Variants in CUX1 observed in about 807,000 individuals in gnomAD.
CUX1 encodes the protein protein CASP.
In CUX1, 31 loss-of-function variants were observed where a neutral mutation model predicts 158.8. The ratio of observed to expected loss-of-function variants is 0.20; its 90% CI spans 0.15 to 0.26. The LOEUF (loss-of-function observed/expected upper bound fraction) is 0.26, where lower values mean the gene tolerates loss of function less well. Ranked by LOEUF, CUX1 falls within the 10% of genes least tolerant of loss-of-function variation. The pLI is 1.00. For missense variants in CUX1, 1,589 were observed against 2,014.6 expected (o/e 0.79, Z 4.04); for synonymous variants, 879 against 862.1 (o/e 1.02, Z -0.34).
intron 1 of CUX1, among the ~76,000 whole-genome samples, chr7:101,856,595 G>A (rs145966543): frequency 2.7e-3 from 404 of 152,272 alleles, no homozygotes; most frequent in African/African-American, 9.3e-3. Context: ...AGGCCCAGAG[G>A]GGAAGGCTTC....
At chr7:102,246,722 A>G (rs1800853200) in intron 23 of CUX1, among the ~76,000 whole-genome samples, 1 of 152,056 alleles carries the variant, frequency 6.6e-6, no homozygotes, top group African/African-American at 2.4e-5. Context: ...GGTACCTGCC[A>G]CCACGCCTGG....
chr7:101,942,696 GGCT>G (rs1355874462), intron 2 of CUX1, among the ~76,000 whole-genome samples: 1 of 152,152 alleles, frequency 6.6e-6, no homozygotes, highest in Admixed American at 6.5e-5. Flanking sequence ...ACCACTCCTG[GGCT>G]CAAGTGATCC....
intron 23 of CUX1, among the ~76,000 whole-genome samples, chr7:102,246,711 AG>A (rs1310094232): frequency 6.6e-6 from 1 of 152,080 alleles, no homozygotes; most frequent in Non-Finnish European, 1.5e-5. Flanking sequence ...CTGGGATTAC[AG>A]GTACCTGCCA....
chr7:101,816,589 C>T (rs893920167), upstream of CUX1, among the ~76,000 whole-genome samples: 2 of 143,908 alleles, frequency 1.4e-5, no homozygotes, highest in African/African-American at 2.5e-5. Flanking sequence ...CCCGCTCGCC[C>T]CGCGCCCCCG....
chr7:101,905,144 T>C (rs924519213), intron 1 of CUX1, among the ~76,000 whole-genome samples: 1 of 152,084 alleles, frequency 6.6e-6, no homozygotes, highest in Non-Finnish European at 1.5e-5. Flanking sequence ...CTCTCCCTCG[T>C]TTTGTAGTAG....
At chr7:102,094,755 C>T (rs142369228) in intron 4 of CUX1, among the ~76,000 whole-genome samples, 2 of 152,300 alleles carry the variant, frequency 1.3e-5, no homozygotes, top group Non-Finnish European at 2.9e-5. Flanking sequence ...TCTTCCCTGA[C>T]CTCTATGTCA....
intron 6 of CUX1, among the ~76,000 whole-genome samples, chr7:102,106,040 G>A (rs12538286): frequency 0.23 from 33,309 of 145,822 alleles, 4,106 homozygotes; most frequent in Non-Finnish European, 0.29. Context: ...ATTTTCAGTT[G>A]ACTTCCTATG....
At chr7:101,911,874 C>T (rs1584956016) in intron 1 of CUX1, among the ~76,000 whole-genome samples, 1 of 152,244 alleles carries the variant, frequency 6.6e-6, no homozygotes, top group Non-Finnish European at 1.5e-5. Context: ...CATGTGGGTC[C>T]TCATTGCCTC....
In CUX1 at chr7:101,932,751, A is replaced by G. The variant is rs141684023; in HGVS notation, c.141+16526A>G. 6 of 387,000 alleles carry G rather than the reference A, an allele frequency of 1.6e-5. No homozygotes were observed. The East Asian group carries it at 4.5e-4, about 29-fold the overall frequency. The allele number at this position is 387,000 out of a possible 1,614,324, so 24.0% of individuals were successfully genotyped here. Reference sequence around the variant, plus strand: ...AATGATTGCTTTGCCGCCATCAAGAAAAAATACTGTTTCACTTAACAGTGA... The same window carrying G: ...AATGATTGCTTTGCCGCCATCAAGAGAAAATACTGTTTCACTTAACAGTGA... On this transcript the variant is annotated intron_variant, in intron 2 of 23. Coordinates refer to ENST00000292535, the MANE Select transcript of CUX1 (RefSeq NM_181552.4).
intron 2 of CUX1, among the ~76,000 whole-genome samples, chr7:101,981,617 C>CTTT (rs201125709): frequency 6.9e-6 from 1 of 145,680 alleles, no homozygotes; most frequent in Non-Finnish European, 1.5e-5. Flanking sequence ...AGTTTAAAGT[C>CTTT]TTTTTTTTTT....
chr7:102,203,168 T>C (rs1464232996), intron 18 of CUX1, among the ~76,000 whole-genome samples: 2 of 152,300 alleles, frequency 1.3e-5, no homozygotes, highest in African/African-American at 2.4e-5. Flanking sequence ...GGTTTCACCA[T>C]GTTGGCCAGG....
At chr7:102,188,476 C>T (rs968423580) in intron 11 of CUX1, 5 of 152,282 alleles carry the variant, frequency 3.3e-5, no homozygotes, top group East Asian at 1.9e-4. Flanking sequence ...AGCAATGGCT[C>T]CTCTCACAAG....
chr7:102,127,880 C>T (rs538536179), intron 8 of CUX1, among the ~76,000 whole-genome samples: 3 of 152,208 alleles, frequency 2.0e-5, no homozygotes, highest in South Asian at 2.1e-4. Flanking sequence ...CGGAGTCCTG[C>T]TCTGTCACCC....
chr7:102,243,591 G>A (rs1210025076), intron 23 of CUX1, among the ~76,000 whole-genome samples: 1 of 150,654 alleles, frequency 6.6e-6, no homozygotes, highest in Non-Finnish European at 1.5e-5. Context: ...TTTGAGGCCA[G>A]GAGTTTGAGA....
intron 17 of CUX1, 113 bp downstream of exon 17, chr7:102,200,285 G>A: frequency 5.1e-6 from 4 of 784,840 alleles, no homozygotes; most frequent in Admixed American, 3.1e-5. Flanking sequence ...ATGAATGCCT[G>A]TTCTCAAGCA....
chr7:101,820,563 G>A (rs1792350088), intron 1 of CUX1, among the ~76,000 whole-genome samples: 1 of 152,132 alleles, frequency 6.6e-6, no homozygotes. Flanking sequence ...AAATGTAATT[G>A]CTCTATGAAA....
intron 1 of CUX1, among the ~76,000 whole-genome samples, chr7:101,843,101 C>T (rs1478088774): frequency 1.3e-5 from 2 of 151,316 alleles, no homozygotes; most frequent in African/African-American, 2.4e-5. Flanking sequence ...CTCCTGACCT[C>T]ATGATCCGCC....
At chr7:102,074,106 C>G (rs558978270) in intron 4 of CUX1, among the ~76,000 whole-genome samples, 3 of 152,146 alleles carry the variant, frequency 2.0e-5, no homozygotes, top group Non-Finnish European at 4.4e-5. Context: ...AGGAAGGGCC[C>G]GGTCAATAGT....
intron 21 of CUX1, among the ~76,000 whole-genome samples, chr7:102,228,421 G>C (rs113693890): frequency 3.3e-5 from 5 of 152,280 alleles, no homozygotes; most frequent in Admixed American, 2.0e-4. Flanking sequence ...CTACTCAGGA[G>C]CCTAAGGTGG....
Sources: allele counts gnomAD v4.1 joint callset (sites outside exome capture counted in the v4.1 genomes callset), GRCh38; gene constraint gnomAD v4.1.1; transcripts MANE v1.5; gene names NCBI Gene and HGNC (gene_info 2026-07-23, HGNC 2026-07-21).